The following ENDOD1 variants were observed in gnomAD, a reference collection of about 807,000 sequenced individuals.
ENDOD1 encodes endonuclease domain containing 1, also known as endonuclease domain-containing 1 protein.
ENDOD1 carries 9 observed loss-of-function variants against 6.5 expected under a neutral mutation model. The observed-to-expected ratio is 1.39, with a 90% CI of 0.84 to 2.43. The LOEUF is 2.43. Ranked by LOEUF, ENDOD1 falls within the 30% of genes most tolerant of loss-of-function variation. ENDOD1 has a pLI of 0.00. For missense variants in ENDOD1, 648 were observed against 635.5 expected, an observed-to-expected ratio of 1.02 and a Z score of -0.21; for synonymous variants, 255 against 255.2, an observed-to-expected ratio of 1.00 and a Z score of 0.01.
At chr11:95,124,808 A>G (rs931477765) in intron 1 of ENDOD1, among the ~76,000 whole-genome samples, 1 of 152,190 alleles carries the variant, frequency 6.6e-6, no homozygotes, top group African/African-American at 2.4e-5. Context: ...GAGGATGCAG[A>G]AACACCCAGC....
Position 95,130,572 on chromosome 11 carries a change from C to T in ENDOD1, c.*993C>T, listed in dbSNP as rs1023404901. ...TCTAATGCATGAAATAAGTACCCAG[C>T]ACAGTAAAAATACTCTGACTTATGT... is the stretch of plus-strand genomic sequence containing the variant. On this transcript the variant is annotated 3_prime_UTR_variant, in exon 2 of 2. Transcript: ENST00000278505. 2.0e-5 allele frequency: 3 copies of T among 151,966 alleles called. No homozygotes were observed. Among genetic ancestry groups the T allele is most frequent in the African/African-American group, 7.3e-5 (3 of 41,376 alleles). 9.4% of individuals were successfully genotyped at this position (151,966 alleles called of 1,614,324 possible). A position where few individuals can be genotyped will look rare whatever the true frequency, so the allele number is the denominator to read the frequency against.
intron 1 of ENDOD1, among the ~76,000 whole-genome samples, chr11:95,123,367 A>C (rs1859281137): frequency 6.6e-6 from 1 of 152,042 alleles, no homozygotes; most frequent in Admixed American, 6.5e-5. Flanking sequence ...ATGAACAGAC[A>C]AAAGAGTTGT....
rs782475003 is a variant in ENDOD1, at chr11:95,090,190, C to A, written c.263C>A (p.Pro88His). ...GCGTTCCGCGCCCCGCGCCCTGCGCCCGGCGGCGCCGAGCAGCGATGGCTG... is the reference window on the plus strand; with the variant it reads ...GCGTTCCGCGCCCCGCGCCCTGCGCACGGCGGCGCCGAGCAGCGATGGCTG... ...YSAFRAPRPA[P>H]GGAEQRWLVE... Residue 88 changes from proline (P) to histidine (H), a missense_variant, in exon 1 of 2, where the codon CCC (proline) becomes CAC (histidine). Coordinates refer to ENST00000278505, the MANE Select transcript of ENDOD1 (RefSeq NM_015036.3). The A allele has an allele frequency of 3.0e-5, 43 of 1,419,440 alleles. No individual in the cohort carries two copies. The highest frequency in any genetic ancestry group is 3.6e-5 in the Non-Finnish European group (39 of 1,070,882). The allele number at this position is 1,419,440 out of a possible 1,614,324, so 87.9% of individuals were successfully genotyped here.
At chr11:95,106,674 G>A (rs1555111427) in intron 1 of ENDOD1, among the ~76,000 whole-genome samples, 1 of 152,160 alleles carries the variant, frequency 6.6e-6, no homozygotes, top group Non-Finnish European at 1.5e-5. Context: ...AGGACCCACA[G>A]TATTTTGTTC....
intron 1 of ENDOD1, among the ~76,000 whole-genome samples, chr11:95,099,978 G>A (rs1555110684): frequency 6.6e-6 from 1 of 152,106 alleles, no homozygotes; most frequent in African/African-American, 2.4e-5. Flanking sequence ...CTATGTTCTC[G>A]GGACACGCAG....
chr11:95,130,180 A>G lies in ENDOD1; in HGVS notation c.*601A>G, dbSNP rs1387354968. ...GTTCTCAAGGATATGTACAGTTTTC[A>G]TTTTCCTCCAAAGTTGAATTTTGCT... On this transcript the variant is annotated 3_prime_UTR_variant, in exon 2 of 2. Coordinates refer to ENST00000278505, the MANE Select transcript of ENDOD1 (RefSeq NM_015036.3). 2 of 152,116 alleles carry G rather than the reference A, an allele frequency of 1.3e-5. No homozygotes were observed. Among genetic ancestry groups the G allele is most frequent in the African/African-American group, 2.4e-5 (1 of 41,418 alleles). 9.4% of individuals were successfully genotyped at this position (152,116 alleles called of 1,614,324 possible).
chr11:95,124,152 A>T (rs1294460954), intron 1 of ENDOD1, among the ~76,000 whole-genome samples: 2 of 152,334 alleles, frequency 1.3e-5, no homozygotes, highest in East Asian at 3.9e-4. Flanking sequence ...GAGAGAGAAA[A>T]AAAGGAGAAT....
rs1019102869 is a variant in ENDOD1, at chr11:95,128,821, G to A, written c.745G>A (p.Val249Met). 6.2e-7 allele frequency: 1 copy of A among 1,614,240 alleles called. No individual in the cohort carries two copies. Among genetic ancestry groups the A allele is most frequent in the Non-Finnish European group, 8.5e-7 (1 of 1,180,042 alleles). Residue 249 changes from valine (V) to methionine (M), a missense_variant, in exon 2 of 2, where the codon GTG becomes ATG. Physicochemically the swap from Val to Met is conservative, Grantham distance 21. Coordinates refer to ENST00000278505, the MANE Select transcript of ENDOD1 (RefSeq NM_015036.3). ...HTRDSDIIED[V>M]MVKDLQKLLP... Reference sequence around the variant, plus strand: ...CCGGGACAGTGACATCATAGAAGATGTGATGGTAAAAGATCTTCAGAAACT... The same window carrying A: ...CCGGGACAGTGACATCATAGAAGATATGATGGTAAAAGATCTTCAGAAACT...
rs554709807 is a variant in ENDOD1 at position 95,129,700 on chromosome 11, G to T, written c.*121G>T. 7 of 1,071,348 alleles carry T rather than the reference G, an allele frequency of 6.5e-6. No homozygotes were observed. In the South Asian group the frequency reaches 9.6e-5, roughly 15 times the overall value. 66.4% of individuals were successfully genotyped at this position (1,071,348 alleles called of 1,614,324 possible). A position where few individuals can be genotyped will look rare whatever the true frequency, so the allele number is the denominator to read the frequency against. On this transcript the variant is annotated 3_prime_UTR_variant, in exon 2 of 2. Coordinates refer to ENST00000278505, the MANE Select transcript of ENDOD1 (RefSeq NM_015036.3). ...ATTTTGGCCTTTGGTGGGGATGTCTGCTTGTTTTTGCAAAAGAAGATGGCA... is the reference window on the plus strand; with the variant it reads ...ATTTTGGCCTTTGGTGGGGATGTCTTCTTGTTTTTGCAAAAGAAGATGGCA...
chr11:95,111,230 G>A (rs138470756), intron 1 of ENDOD1, among the ~76,000 whole-genome samples: 86 of 152,142 alleles, frequency 5.7e-4, no homozygotes, highest in Non-Finnish European at 1.0e-3. Context: ...ATGGGAGTCC[G>A]TTCAGTGCCT....
At position 95,128,511 on chromosome 11, in the gene ENDOD1, C is replaced by T; in HGVS notation, c.435C>T (p.Tyr145=). The T allele has an allele frequency of 6.2e-7, 1 of 1,614,270 alleles. No individual in the cohort carries two copies. The highest frequency in any genetic ancestry group is 2.2e-5 in the East Asian group (1 of 44,888). Residue 145 remains tyrosine (Y), a synonymous_variant, in exon 2 of 2, where the codon TAC becomes TAT. Coordinates refer to ENST00000278505, the MANE Select transcript of ENDOD1 (RefSeq NM_015036.3). ...CTGATTACCAAAGAGGACAGCTTTACCCATTCTCCCTTAGCAGTGATGTCC... is the reference window on the plus strand; with the variant it reads ...CTGATTACCAAAGAGGACAGCTTTATCCATTCTCCCTTAGCAGTGATGTCC... ...LDSDYQRGQL[Y]PFSLSSDVQV...
intron 1 of ENDOD1, among the ~76,000 whole-genome samples, chr11:95,108,652 G>A (rs1220723096): frequency 6.6e-6 from 1 of 151,970 alleles, no homozygotes; most frequent in Non-Finnish European, 1.5e-5. Context: ...TCCTGAAATG[G>A]GTGGGTTGGC....
At chr11:95,123,510 C>T (rs1375871728) in intron 1 of ENDOD1, among the ~76,000 whole-genome samples, 1 of 147,148 alleles carries the variant, frequency 6.8e-6, no homozygotes, top group African/African-American at 2.5e-5. Context: ...CTATATAGTT[C>T]TTGTTACCAT....
chr11:95,121,162 A>G (rs1859259139), intron 1 of ENDOD1, among the ~76,000 whole-genome samples: 1 of 152,162 alleles, frequency 6.6e-6, no homozygotes, highest in Non-Finnish European at 1.5e-5. Context: ...TTTGGTTCTT[A>G]TGAAGGTAGT....
chr11:95,123,667 G>A (rs1859284689), intron 1 of ENDOD1, among the ~76,000 whole-genome samples: 1 of 151,688 alleles, frequency 6.6e-6, no homozygotes. Context: ...AAGGAAACAA[G>A]GCTTGCTTTA....
chr11:95,093,526 CT>C (rs1190965418), intron 1 of ENDOD1, among the ~76,000 whole-genome samples: 1 of 152,206 alleles, frequency 6.6e-6, no homozygotes, highest in Non-Finnish European at 1.5e-5. Flanking sequence ...TATTTTCATA[CT>C]TACCATGTTG....
chr11:95,096,227 CTTTTTTTTTTTT>C (rs10660230), intron 1 of ENDOD1, among the ~76,000 whole-genome samples: 1 of 49,964 alleles, frequency 2.0e-5, no homozygotes, highest in East Asian at 6.8e-4. Context: ...GTCAAGAAAG[CTTTTTTTTTTTT>C]TTTTTTTTTT....
intron 1 of ENDOD1, among the ~76,000 whole-genome samples, chr11:95,126,380 T>C (rs76197581): frequency 2.6e-5 from 4 of 152,178 alleles, no homozygotes; most frequent in Non-Finnish European, 4.4e-5. Flanking sequence ...AACAAGAATT[T>C]ACTCATTTTA....
intron 1 of ENDOD1, among the ~76,000 whole-genome samples, chr11:95,125,777 C>A (rs1591020984): frequency 6.6e-6 from 1 of 152,090 alleles, no homozygotes; most frequent in South Asian, 2.1e-4. Context: ...ATGAACTCAT[C>A]ATTTTTTGTG....
Sources: allele counts gnomAD v4.1 joint callset (sites outside exome capture counted in the v4.1 genomes callset), GRCh38; gene constraint gnomAD v4.1.1; transcripts MANE v1.5; gene names NCBI Gene and HGNC (gene_info 2026-07-23, HGNC 2026-07-21).